Variants in PAPSS2 observed in about 807,000 individuals in gnomAD.
The protein encoded by PAPSS2 is 3'-phosphoadenosine 5'-phosphosulfate synthase 2, also known as bifunctional 3'-phosphoadenosine 5'-phosphosulfate synthase 2.
A neutral mutation model predicts 66.5 loss-of-function variants in PAPSS2; 61 were observed. The ratio of observed to expected loss-of-function variants is 0.92; its 90% CI spans 0.75 to 1.14. The LOEUF is 1.14. PAPSS2 is among the 50% of genes most tolerant of loss of function. The probability of loss-of-function intolerance (pLI) is 0.00; values close to 1 mark genes in which losing one functional copy is unlikely to be tolerated. For synonymous variants in PAPSS2, 289 were observed against 287.5 expected, an observed-to-expected ratio of 1.01 and a Z score of -0.05; for missense variants, 708 against 789.6, an observed-to-expected ratio of 0.90 and a Z score of 1.24.
intron 8 of PAPSS2, among the ~76,000 whole-genome samples, chr10:87,725,791 GCTCAGGTGACCCTCTTGC>G (rs1294651057): frequency 1.3e-5 from 2 of 151,792 alleles, no homozygotes; most frequent in Non-Finnish European, 2.9e-5. Flanking sequence ...AAACTCCTGG[GCTCAGGTGACCCTCTTGC>G]CTCAGCCTCC....
chr10:87,713,331 A>AAAAAAT, intron 3 of PAPSS2, 21 bp downstream of exon 3: 1 of 1,357,694 alleles, frequency 7.4e-7, no homozygotes, highest in Non-Finnish European at 1.0e-6. Flanking sequence ...AAAAAAAAAA[A>AAAAAAT]AAAGGCACTA....
Position 87,715,749 on chromosome 10 carries a change from C to T in PAPSS2, c.771C>T (p.Val257=). ...TTTTGCAGCTGGATCTCCAGTGGGT[C>T]CAGGTTTTGAGCGAAGGCTGGGCCA... is the stretch of plus-strand genomic sequence containing the variant. The part of the protein sequence containing the change: ...LSITKLDLQW[V]QVLSEGWATP... The change falls in exon 7 of 13, where the codon GTC becomes GTT. Residue 257 remains valine (V), a synonymous_variant. Transcript: ENST00000456849. 1 of 1,612,510 alleles carries T rather than the reference C, an allele frequency of 6.2e-7. No homozygotes were observed. Among genetic ancestry groups the T allele is most frequent in the Non-Finnish European group, 8.5e-7 (1 of 1,178,620 alleles).
chr10:87,706,108 A>ATATGTGTGTGTGTG, intron 1 of PAPSS2, among the ~76,000 whole-genome samples: 12 of 51,978 alleles, frequency 2.3e-4, no homozygotes, highest in South Asian at 2.1e-3. Flanking sequence ...ATATATATAT[A>ATATGTGTGTGTGTG]TGTGTGTGTG....
intron 11 of PAPSS2, among the ~76,000 whole-genome samples, chr10:87,744,646 T>C (rs1853913799): frequency 1.3e-5 from 2 of 152,230 alleles, no homozygotes; most frequent in Admixed American, 1.3e-4. Flanking sequence ...GAGTTGGTAA[T>C]TTCCTTTAAA....
chr10:87,699,722 C>T (rs549780313), intron 1 of PAPSS2, among the ~76,000 whole-genome samples: 22 of 151,084 alleles, frequency 1.5e-4, no homozygotes, highest in African/African-American at 4.1e-4. Flanking sequence ...TGGTGGTGTG[C>T]GCCTGTAATC....
chr10:87,695,682 A>G (rs1189997133), intron 1 of PAPSS2, among the ~76,000 whole-genome samples: 1 of 152,230 alleles, frequency 6.6e-6, no homozygotes, highest in African/African-American at 2.4e-5. Context: ...TTCTTATGTG[A>G]TAGAGATCAT....
chr10:87,721,214 A>G (rs1192143447), intron 7 of PAPSS2, among the ~76,000 whole-genome samples: 1 of 152,202 alleles, frequency 6.6e-6, no homozygotes, highest in African/African-American at 2.4e-5. Context: ...TAAATAACTT[A>G]TTTGAAGCCT....
intron 1 of PAPSS2, among the ~76,000 whole-genome samples, chr10:87,706,701 G>A (rs898050821): frequency 1.3e-5 from 2 of 152,134 alleles, no homozygotes; most frequent in Non-Finnish European, 2.9e-5. Context: ...CAAGGCTGCA[G>A]TGAGGCCTGA....
At chr10:87,689,223 C>G (rs1853132512) in intron 1 of PAPSS2, among the ~76,000 whole-genome samples, 1 of 143,720 alleles carries the variant, frequency 7.0e-6, no homozygotes, top group Non-Finnish European at 1.5e-5. Context: ...GCCTGCAATC[C>G]TAGCTACTCG....
intron 1 of PAPSS2, among the ~76,000 whole-genome samples, chr10:87,689,229 A>T (rs2131911424): frequency 7.1e-6 from 1 of 140,262 alleles, no homozygotes; most frequent in Admixed American, 7.5e-5. Context: ...AATCCTAGCT[A>T]CTCGGGAGGC....
intron 1 of PAPSS2, among the ~76,000 whole-genome samples, chr10:87,706,434 T>G (rs1381986480): frequency 6.6e-6 from 1 of 151,804 alleles, no homozygotes; most frequent in Non-Finnish European, 1.5e-5. Context: ...CCTTGAGGTA[T>G]CACATATGCT....
chr10:87,715,057 C>T lies in PAPSS2; in HGVS notation c.712C>T (p.Arg238Ter), dbSNP rs541008862. The change falls in exon 6 of 13, where the codon CGA becomes TGA. Residue 238 changes from arginine (R) to a stop codon, truncating the protein, a stop_gained. Transcript: ENST00000456849. LOFTEE classifies it high-confidence loss of function. ...FVPENKLDHVRAEAETLPSLS... is the reference protein window; with the variant it reads ...FVPENKLDHV The stretch of plus-strand genomic sequence containing the variant: ...GCCGGAAAACAAACTTGACCACGTC[C>T]GAGCTGAGGCTGAAACTCTCCCTTC... 15 of 1,612,812 alleles carry T rather than the reference C, an allele frequency of 9.3e-6. No individual in the cohort carries two copies. The highest frequency in any genetic ancestry group is 2.2e-5 in the East Asian group (1 of 44,864).
At chr10:87,680,668 T>C (rs1299127846) in intron 1 of PAPSS2, among the ~76,000 whole-genome samples, 1 of 152,122 alleles carries the variant, frequency 6.6e-6, no homozygotes, top group Admixed American at 6.5e-5. Context: ...TGTGTGATGG[T>C]ATTTCAGGTA....
intron 7 of PAPSS2, among the ~76,000 whole-genome samples, chr10:87,716,859 A>G (rs1305214072): frequency 2.0e-5 from 3 of 152,218 alleles, no homozygotes; most frequent in Admixed American, 1.3e-4. Flanking sequence ...AACAAAAATA[A>G]TAATGCATAT....
At chr10:87,677,244 T>C (rs1444672993) in intron 1 of PAPSS2, among the ~76,000 whole-genome samples, 1 of 152,208 alleles carries the variant, frequency 6.6e-6, no homozygotes, top group Non-Finnish European at 1.5e-5. Context: ...ATATCTAAGC[T>C]TTAAAAGATT....
At chr10:87,699,111 G>T (rs565173100) in intron 1 of PAPSS2, among the ~76,000 whole-genome samples, 1 of 152,286 alleles carries the variant, frequency 6.6e-6, no homozygotes, top group African/African-American at 2.4e-5. Context: ...TCCAAAAGCT[G>T]TTATACCTTC....
intron 1 of PAPSS2, among the ~76,000 whole-genome samples, chr10:87,705,700 T>C (rs117157770): frequency 0.012 from 1,773 of 152,228 alleles, 17 homozygotes; most frequent in Non-Finnish European, 0.019. Context: ...TTCAAATCTT[T>C]TTCCATTTTA....
At chr10:87,724,881 TAGAA>T (rs1853640697) in intron 8 of PAPSS2, among the ~76,000 whole-genome samples, 1 of 49,726 alleles carries the variant, frequency 2.0e-5, no homozygotes, top group Non-Finnish European at 3.5e-5. Flanking sequence ...CATACACACA[TAGAA>T]AGAGAGAGAT....
chr10:87,734,683 A>G (rs1388781482), intron 9 of PAPSS2, among the ~76,000 whole-genome samples: 35 of 124,060 alleles, frequency 2.8e-4, no homozygotes, highest in African/African-American at 9.4e-4. Context: ...ATATATATAT[A>G]TATATATATA....
Sources: gnomAD v4.1 joint callset for allele counts (sites outside exome capture counted in the v4.1 genomes callset) on GRCh38, gnomAD v4.1.1 for gene constraint, MANE v1.5 for transcripts, NCBI Gene and HGNC (gene_info 2026-07-23, HGNC 2026-07-21) for gene names.